Variants in DLGAP2 observed in about 807,000 individuals in gnomAD.
DLGAP2 encodes DLG associated protein 2.
A neutral mutation model predicts 100.3 loss-of-function variants in DLGAP2; 26 were observed. The observed-to-expected ratio is 0.26, with a 90% CI of 0.19 to 0.36. DLGAP2 has a LOEUF of 0.36. Among genes scored for constraint, DLGAP2 ranks in the 10% least tolerant of loss-of-function variants. DLGAP2 has a pLI of 1.00. For synonymous variants in DLGAP2, 886 were observed against 630.1 expected, an observed-to-expected ratio of 1.41 and a Z score of -6.08; for missense variants, 1,858 against 1,453.2, an observed-to-expected ratio of 1.28 and a Z score of -4.53.
intron 2 of DLGAP2, among the ~76,000 whole-genome samples, chr8:928,435 C>G (rs988937923): frequency 2.6e-5 from 4 of 152,066 alleles, no homozygotes; most frequent in African/African-American, 4.8e-5. Flanking sequence ...TAGTGTATCC[C>G]AGGCTTCATG....
chr8:1,231,882 A>G (rs1217312170), intron 2 of DLGAP2, among the ~76,000 whole-genome samples: 1 of 152,190 alleles, frequency 6.6e-6, no homozygotes, highest in African/African-American at 2.4e-5. Flanking sequence ...AAGTTCAGTC[A>G]TACCCCCAAA....
At chr8:1,112,161 G>A (rs558591459) in intron 2 of DLGAP2, among the ~76,000 whole-genome samples, 1 of 150,838 alleles carries the variant, frequency 6.6e-6, no homozygotes, top group Non-Finnish European at 1.5e-5. Flanking sequence ...AATGATAAAT[G>A]ATATTTAAGT....
At chr8:892,162 G>A (rs1489840591) in intron 1 of DLGAP2, among the ~76,000 whole-genome samples, 6 of 152,148 alleles carry the variant, frequency 3.9e-5, no homozygotes, top group East Asian at 1.9e-4. Context: ...TCAAAAACTC[G>A]AGACGGAACC....
intron 3 of DLGAP2, among the ~76,000 whole-genome samples, chr8:1,313,205 AGTT>A (rs1366625293): frequency 1.3e-5 from 2 of 152,212 alleles, no homozygotes; most frequent in Non-Finnish European, 2.9e-5. Context: ...CAGTAGCAAA[AGTT>A]GTCTGTAAAG....
chr8:1,470,181 T>G (rs776891587), intron 3 of DLGAP2, among the ~76,000 whole-genome samples: 2 of 151,970 alleles, frequency 1.3e-5, no homozygotes, highest in African/African-American at 4.8e-5. Flanking sequence ...GCCTCAGTTG[T>G]GGCTGCTGAA....
intron 1 of DLGAP2, among the ~76,000 whole-genome samples, chr8:856,830 C>T (rs926760922): frequency 3.3e-5 from 5 of 152,156 alleles, no homozygotes; most frequent in African/African-American, 1.2e-4. Context: ...AGCGCAGTCC[C>T]CATCAGGATC....
At chr8:1,390,246 C>A (rs747446392) in intron 3 of DLGAP2, among the ~76,000 whole-genome samples, 14 of 152,156 alleles carry the variant, frequency 9.2e-5, no homozygotes, top group Non-Finnish European at 1.8e-4. Context: ...ATGGGAGCCT[C>A]TCATCTGGGC....
chr8:1,350,833 C>T (rs867905294), intron 3 of DLGAP2, among the ~76,000 whole-genome samples: 3 of 29,802 alleles, frequency 1.0e-4, no homozygotes, highest in Admixed American at 5.6e-4. Flanking sequence ...CCTGAGTGTG[C>T]GTGGAAAGGC....
At chr8:981,230 G>C (rs542393670) in intron 2 of DLGAP2, among the ~76,000 whole-genome samples, 34 of 152,232 alleles carry the variant, frequency 2.2e-4, no homozygotes, top group African/African-American at 7.7e-4. Context: ...GGCTCATCTG[G>C]GTTGTGGCAT....
At chr8:1,365,894 C>A (rs896135125) in intron 3 of DLGAP2, among the ~76,000 whole-genome samples, 2 of 152,172 alleles carry the variant, frequency 1.3e-5, no homozygotes, top group Non-Finnish European at 2.9e-5. Context: ...AAACATCTGC[C>A]CAGGAGGAAA....
chr8:1,456,397 A>C (rs1798313301), intron 3 of DLGAP2, among the ~76,000 whole-genome samples: 2 of 152,162 alleles, frequency 1.3e-5, no homozygotes. Context: ...GTATCTAAAC[A>C]TCAAAGCATT....
chr8:1,029,846 C>T (rs1007170749), intron 2 of DLGAP2, among the ~76,000 whole-genome samples: 5 of 151,994 alleles, frequency 3.3e-5, no homozygotes, highest in Non-Finnish European at 5.9e-5. Context: ...GGTTACTGTT[C>T]GAGCTGGGGA....
chr8:1,080,332 A>G (rs1026967344), intron 2 of DLGAP2, among the ~76,000 whole-genome samples: 1 of 152,158 alleles, frequency 6.6e-6, no homozygotes, highest in Admixed American at 6.5e-5. Context: ...CCTTTCCTCA[A>G]GTGCCTTGTT....
At position 1,206,358 on chromosome 8, in the gene DLGAP2, G is replaced by C. The variant is rs1370079969; in HGVS notation, c.74-52493G>C. 3.4e-3 allele frequency among the ~76,000 whole-genome samples: 494 copies of C among 143,924 alleles called. 6 individuals carry two copies. Among genetic ancestry groups the C allele is most frequent in the Middle Eastern group, 7.4e-3 (2 of 272 alleles). 94.4% of individuals were successfully genotyped at this position (143,924 alleles called of 152,430 possible). A position where few individuals can be genotyped will look rare whatever the true frequency, so the allele number is the denominator to read the frequency against. ...GTGAATGGTTAATCTCCAGCCATCC[G>C]TGGACTGGGGTAGACTGTGAGCGGT... On this transcript the variant is annotated intron_variant, in intron 2 of 14. Coordinates refer to ENST00000637795, the MANE Select transcript of DLGAP2 (RefSeq NM_001346810.2).
chr8:1,671,258 T>C (rs1352570742), intron 10 of DLGAP2, among the ~76,000 whole-genome samples: 1 of 152,216 alleles, frequency 6.6e-6, no homozygotes, highest in Non-Finnish European at 1.5e-5. Context: ...CCTGGTTCTG[T>C]TCCTGTTCTG....
intron 2 of DLGAP2, among the ~76,000 whole-genome samples, chr8:1,257,518 T>A (rs1315130024): frequency 1.7e-5 from 1 of 59,774 alleles, no homozygotes; most frequent in African/African-American, 4.1e-5. Flanking sequence ...GGGACGTCTG[T>A]GCTCGCTCCC....
At chr8:1,137,082 C>G (rs73526573) in intron 2 of DLGAP2, among the ~76,000 whole-genome samples, 5,595 of 152,254 alleles carry the variant, frequency 0.037, 361 homozygotes, top group African/African-American at 0.13. Flanking sequence ...CAGTCGAGGA[C>G]AAGGGGCCCA....
chr8:1,176,233 A>C (rs1341154550), intron 2 of DLGAP2, among the ~76,000 whole-genome samples: 1 of 152,152 alleles, frequency 6.6e-6, no homozygotes, highest in East Asian at 1.9e-4. Flanking sequence ...TGCCACTTTC[A>C]AACCATCAGA....
At chr8:1,433,171 A>G (rs1291894778) in intron 3 of DLGAP2, among the ~76,000 whole-genome samples, 4 of 152,208 alleles carry the variant, frequency 2.6e-5, no homozygotes, top group Non-Finnish European at 5.9e-5. Context: ...CCCTCCAGGA[A>G]CGTGCGGGAC....
Sources: allele counts gnomAD v4.1 joint callset (sites outside exome capture counted in the v4.1 genomes callset), GRCh38; gene constraint gnomAD v4.1.1; transcripts MANE v1.5; gene names NCBI Gene and HGNC (gene_info 2026-07-23, HGNC 2026-07-21).